PARVB: variants seen among roughly 807,000 people sequenced by gnomAD.
PARVB encodes the protein parvin beta.
Under a neutral mutation model 47.0 loss-of-function variants are expected in PARVB, and 46 were observed. That is an observed-to-expected ratio of 0.98 (90% CI 0.77 to 1.25). The LOEUF (loss-of-function observed/expected upper bound fraction) is 1.25, where lower values mean the gene tolerates loss of function less well. PARVB is among the 50% of genes most tolerant of loss of function. The pLI is 0.00. For synonymous variants in PARVB, 196 were observed against 196.3 expected, an observed-to-expected ratio of 1.00 and a Z score of 0.01; for missense variants, 473 against 471.6, an observed-to-expected ratio of 1.00 and a Z score of -0.03.
chr22:44,074,752 G>T (rs1340009136), intron 1 of PARVB, among the ~76,000 whole-genome samples: 2 of 152,236 alleles, frequency 1.3e-5, no homozygotes, highest in Non-Finnish European at 2.9e-5. Flanking sequence ...GGCCAGGCCA[G>T]TGTGGGCGTG....
intron 1 of PARVB, among the ~76,000 whole-genome samples, chr22:44,093,014 G>C (rs4823113): frequency 6.8e-4 from 104 of 152,338 alleles, no homozygotes; most frequent in African/African-American, 2.5e-3. Flanking sequence ...GCTCCCCAGC[G>C]GCCCTCCACC....
rs1199476378 is a variant in PARVB at position 44,068,569 on chromosome 22, C to T, written c.113-25359C>T. Among the ~76,000 whole-genome samples the T allele has an allele frequency of 6.6e-6, 1 of 152,170 alleles. No individual in the cohort carries two copies. Among genetic ancestry groups the T allele is most frequent in the East Asian group, 1.9e-4 (1 of 5,176 alleles). ...GTGTCCGATATTTGATTTCTGTTGT[C>T]GTGGAAACGGGGTGGCAAGTGTTCC... is the stretch of plus-strand genomic sequence containing the variant. On this transcript the variant is annotated intron_variant, in intron 1 of 12. Transcript: ENST00000338758. The surrounding 1 kb of genome is among the most constrained non-coding windows in gnomAD (Gnocchi z 4.1).
At position 44,155,146 on chromosome 22, in the gene PARVB, C is replaced by T. The variant is rs1261163952; in HGVS notation, c.844-2836C>T. Among the ~76,000 whole-genome samples the T allele has an allele frequency of 6.6e-6, 1 of 152,068 alleles. No homozygotes were observed. The highest frequency in any genetic ancestry group is 1.5e-5 in the Non-Finnish European group (1 of 68,010). On this transcript the variant is annotated intron_variant, in intron 10 of 12. Coordinates refer to ENST00000338758, the MANE Select transcript of PARVB (RefSeq NM_013327.5). The surrounding 1 kb of genome is among the most constrained non-coding windows in gnomAD (Gnocchi z 4.8). ...CATTCTTACATTGCGGACAGCGTCC[C>T]AGCTCTGTGATGGTGAGTGAACTCC...
intron 2 of PARVB, among the ~76,000 whole-genome samples, chr22:44,008,541 A>T (rs1485624520): frequency 6.6e-6 from 1 of 152,228 alleles, no homozygotes; most frequent in African/African-American, 2.4e-5. Flanking sequence ...CCATTTAGTT[A>T]TAGAAAAGTA....
chr22:44,150,162 A>AAAATG (rs1555911858), intron 9 of PARVB: 42 of 121,502 alleles, frequency 3.5e-4, no homozygotes, highest in Admixed American at 2.7e-3. Context: ...ATCTCAAAAC[A>AAAATG]AAACGAAACA....
rs528803857 is a variant in PARVB, at chr22:44,049,549, GGT to G, written c.112+25099_112+25100del. Among the ~76,000 whole-genome samples, 30 of 152,340 alleles carry G rather than the reference GGT, an allele frequency of 2.0e-4. No individual in the cohort carries two copies. The South Asian group carries it at 5.4e-3, about 27-fold the overall frequency. The stretch of plus-strand genomic sequence containing the variant: ...GCACTGCGTGCAGGCTGCGGCTCGA[GGT>G]CAATCAGATTCCTCCAGCGATAAAA... On this transcript the variant is annotated intron_variant, in intron 1 of 12. Transcript: ENST00000338758. This position sits in a 1 kb window ranked among gnomAD's most constrained non-coding sequence, Gnocchi z 4.0.
intron 1 of PARVB, among the ~76,000 whole-genome samples, chr22:44,030,939 C>T (rs891993092): frequency 1.1e-4 from 17 of 151,956 alleles, no homozygotes; most frequent in African/African-American, 3.6e-4. Context: ...GTGGCTGGTC[C>T]GAAGTTGGGG....
intron 1 of PARVB, among the ~76,000 whole-genome samples, chr22:44,076,426 C>G (rs138524778): frequency 6.6e-6 from 1 of 152,346 alleles, no homozygotes; most frequent in East Asian, 1.9e-4. Context: ...CCGTTCTCCT[C>G]TCTGATCTTT....
chr22:44,136,279 T>C (rs2053438808), intron 6 of PARVB, among the ~76,000 whole-genome samples, 181 bp from the exon 7 acceptor site: 1 of 152,174 alleles, frequency 6.6e-6, no homozygotes. Flanking sequence ...AAAGGCACCC[T>C]GCCCAGGGTC....
chr22:44,081,662 G>A (rs2051903554), intron 1 of PARVB: 3 of 980,454 alleles, frequency 3.1e-6, no homozygotes, highest in Non-Finnish European at 2.4e-6. Context: ...CATGGGGCTC[G>A]TCTGTTGCTG....
intron 3 of PARVB, chr22:44,109,080 T>C (rs1462566407): frequency 1.3e-5 from 1 of 79,690 alleles, no homozygotes; most frequent in Admixed American, 1.0e-4. Context: ...TAAGTTCTGT[T>C]TTCTTCCTCC....
At chr22:44,038,777 A>G (rs1472888241) in intron 1 of PARVB, among the ~76,000 whole-genome samples, 1 of 152,094 alleles carries the variant, frequency 6.6e-6, no homozygotes, top group East Asian at 1.9e-4. Flanking sequence ...GTGAGACTCC[A>G]TCTCAAAAAC....
chr22:44,038,368 G>A (rs1331056974), intron 1 of PARVB, among the ~76,000 whole-genome samples: 1 of 152,206 alleles, frequency 6.6e-6, no homozygotes, highest in African/African-American at 2.4e-5. Context: ...CCCTGGAGCT[G>A]TGACCCTGGG....
intron 1 of PARVB, among the ~76,000 whole-genome samples, chr22:44,027,023 G>C (rs1428518463): frequency 2.0e-5 from 3 of 152,044 alleles, no homozygotes; most frequent in African/African-American, 4.8e-5. Flanking sequence ...CTGAGAATGA[G>C]CTTCACGGTG....
At chr22:44,022,757 T>A (rs11705066), upstream of PARVB, among the ~76,000 whole-genome samples, 2 of 143,742 alleles carry the variant, frequency 1.4e-5, no homozygotes, top group Admixed American at 6.9e-5. Flanking sequence ...ATTTTTTTTT[T>A]ATTTTTGGAG....
chr22:44,139,860 AG>A, intron 7 of PARVB: 2 of 506,976 alleles, frequency 3.9e-6, no homozygotes, highest in Non-Finnish European at 7.1e-6. Context: ...CAACATTACC[AG>A]GGTGGTTAAT....
intron 2 of PARVB, among the ~76,000 whole-genome samples, chr22:44,011,624 C>T (rs1258333074): frequency 6.6e-6 from 1 of 152,000 alleles, no homozygotes; most frequent in South Asian, 2.1e-4. Context: ...GATGCTGTCT[C>T]AGTAAATAAA....
intron 3 of PARVB, among the ~76,000 whole-genome samples, chr22:44,117,782 A>C (rs2147121266): frequency 6.6e-6 from 1 of 152,048 alleles, no homozygotes; most frequent in Non-Finnish European, 1.5e-5. Context: ...CATCTCTGAG[A>C]GGGGCCATAA....
intron 10 of PARVB, among the ~76,000 whole-genome samples, chr22:44,154,871 G>A (rs1601693999): frequency 6.7e-6 from 1 of 148,900 alleles, no homozygotes; most frequent in East Asian, 2.0e-4. Flanking sequence ...GTGGGGGTGT[G>A]TGTGTGTGGT....
Sources: gnomAD v4.1 joint callset for allele counts (sites outside exome capture counted in the v4.1 genomes callset) on GRCh38, gnomAD v4.1.1 for gene constraint, Gnocchi (gnomAD v3.1) non-coding constraint, MANE v1.5 for transcripts, NCBI Gene and HGNC (gene_info 2026-07-23, HGNC 2026-07-21) for gene names.